The following PDS5B variants were observed in gnomAD, a reference collection of about 807,000 sequenced individuals.
PDS5B encodes sister chromatid cohesion protein PDS5 homolog B.
PDS5B carries 51 observed loss-of-function variants against 184.1 expected under a neutral mutation model. The observed-to-expected ratio is 0.28, with a 90% CI of 0.22 to 0.35. The LOEUF is 0.35. Ranked by LOEUF, PDS5B falls within the 10% of genes least tolerant of loss-of-function variation. The pLI is 1.00. For synonymous variants in PDS5B, 566 were observed against 569.2 expected (o/e 0.99, Z 0.08); for missense variants, 1,180 against 1,723.3 (o/e 0.68, Z 5.58).
chr13:32,694,703 T>C (rs1951652971), intron 14 of PDS5B, among the ~76,000 whole-genome samples: 1 of 151,862 alleles, frequency 6.6e-6, no homozygotes, highest in Non-Finnish European at 1.5e-5. Flanking sequence ...AATTATGTAA[T>C]TAAAGTTAGG....
intron 13 of PDS5B, chr13:32,690,997 C>T (rs755332149): frequency 1.3e-5 from 2 of 151,880 alleles, no homozygotes; most frequent in African/African-American, 2.4e-5. Context: ...CTCCAAAATC[C>T]ATTACCTTTT....
At chr13:32,741,236 G>A (rs917999760) in intron 22 of PDS5B, 88 bp downstream of exon 22, 10 of 735,260 alleles carry the variant, frequency 1.4e-5, no homozygotes, top group Middle Eastern at 2.9e-4. Context: ...CTATTGGAAA[G>A]ATATTAAAGT....
rs570797067 is a variant in PDS5B at position 32,603,493 on chromosome 13, C to T, written c.-20+16900C>T. Among the ~76,000 whole-genome samples, 5 of 152,324 alleles carry T rather than the reference C, an allele frequency of 3.3e-5. No individual in the cohort carries two copies. The East Asian group carries it at 7.7e-4, about 23-fold the overall frequency. Reference sequence around the variant, plus strand: ...TACCAGTACCATGCTGGTTTGGTTACTGTAGCCTTGTAGTATAGTTTGAAG... The same window carrying T: ...TACCAGTACCATGCTGGTTTGGTTATTGTAGCCTTGTAGTATAGTTTGAAG... On this transcript the variant is annotated intron_variant, in intron 1 of 34. Coordinates refer to ENST00000315596, the MANE Select transcript of PDS5B (RefSeq NM_015032.4).
At chr13:32,647,203 G>A (rs143909910) in intron 1 of PDS5B, among the ~76,000 whole-genome samples, 163 of 152,154 alleles carry the variant, frequency 1.1e-3, no homozygotes, top group Non-Finnish European at 2.2e-3. Context: ...TGAATTGTAG[G>A]CTACATTTAG....
At chr13:32,641,057 A>C (rs779547720) in intron 1 of PDS5B, among the ~76,000 whole-genome samples, 107 of 58,546 alleles carry the variant, frequency 1.8e-3, no homozygotes, top group Middle Eastern at 7.5e-3. Flanking sequence ...ACTCCGTCTC[A>C]AAAAAAAAAA....
chr13:32,699,524 A>G (rs1206209836), intron 15 of PDS5B, among the ~76,000 whole-genome samples: 1 of 152,214 alleles, frequency 6.6e-6, no homozygotes, highest in African/African-American at 2.4e-5. Context: ...ATGTCCCTTC[A>G]CAATGCTCCT....
chr13:32,742,758 A>C, intron 23 of PDS5B, 31 bp downstream of exon 23: 1 of 1,589,774 alleles, frequency 6.3e-7, no homozygotes, highest in Non-Finnish European at 8.6e-7. Flanking sequence ...AGTTCTTTGG[A>C]TTGCATAATA....
At chr13:32,591,637 G>A (rs2057777559) in intron 1 of PDS5B, among the ~76,000 whole-genome samples, 1 of 152,062 alleles carries the variant, frequency 6.6e-6, no homozygotes, top group Admixed American at 6.5e-5. Flanking sequence ...TACCAACATT[G>A]GACTTTAAAA....
At chr13:32,742,815 T>G (rs1953606179) in intron 23 of PDS5B, 88 bp downstream of exon 23, 1 of 1,205,812 alleles carries the variant, frequency 8.3e-7, no homozygotes, top group Non-Finnish European at 1.2e-6. Context: ...TCTTTTTCTT[T>G]TTTTTTTAAA....
intron 1 of PDS5B, among the ~76,000 whole-genome samples, chr13:32,646,207 G>C (rs1391801970): frequency 2.0e-5 from 3 of 151,902 alleles, no homozygotes; most frequent in Non-Finnish European, 4.4e-5. Context: ...AGGTCTCACT[G>C]TATTGCCCAG....
intron 1 of PDS5B, among the ~76,000 whole-genome samples, chr13:32,608,455 A>T (rs1435681431): frequency 2.0e-5 from 3 of 152,106 alleles, no homozygotes; most frequent in Non-Finnish European, 1.5e-5. Flanking sequence ...TGTTTAAGAG[A>T]TTTATTACAG....
chr13:32,610,533 T>G (rs898192740), intron 1 of PDS5B, among the ~76,000 whole-genome samples: 3 of 152,230 alleles, frequency 2.0e-5, no homozygotes, highest in Non-Finnish European at 4.4e-5. Flanking sequence ...GATCTTTTCC[T>G]TCTTACACTT....
intron 30 of PDS5B, chr13:32,763,430 T>C (rs1356880790): frequency 6.9e-6 from 1 of 144,952 alleles, no homozygotes; most frequent in Non-Finnish European, 1.5e-5. Flanking sequence ...AAATTTCAGA[T>C]TTTTTTTTTA....
intron 23 of PDS5B, among the ~76,000 whole-genome samples, chr13:32,745,337 TACAG>T (rs1410147702): frequency 6.6e-6 from 1 of 152,180 alleles, no homozygotes; most frequent in African/African-American, 2.4e-5. Context: ...CAACTAAACA[TACAG>T]ACAGATTTCT....
intron 30 of PDS5B, among the ~76,000 whole-genome samples, chr13:32,764,191 C>G (rs1391511871): frequency 2.6e-5 from 4 of 152,146 alleles, no homozygotes; most frequent in Non-Finnish European, 5.9e-5. Context: ...CCAAGCTAAA[C>G]TGCCAACGAG....
intron 1 of PDS5B, among the ~76,000 whole-genome samples, chr13:32,643,043 A>T (rs951541731): frequency 6.6e-6 from 1 of 152,120 alleles, no homozygotes; most frequent in African/African-American, 2.4e-5. Context: ...ATATTTTACA[A>T]GGTCACTCTG....
At chr13:32,592,009 G>A (rs1431482853) in intron 1 of PDS5B, among the ~76,000 whole-genome samples, 1 of 152,174 alleles carries the variant, frequency 6.6e-6, no homozygotes, top group Non-Finnish European at 1.5e-5. Flanking sequence ...TAAACATAAG[G>A]TAGAAGAGAA....
intron 1 of PDS5B, among the ~76,000 whole-genome samples, chr13:32,630,169 A>G (rs2058432486): frequency 6.6e-6 from 1 of 152,238 alleles, no homozygotes; most frequent in African/African-American, 2.4e-5. Context: ...CCATCTCCCC[A>G]GAAGAATGTA....
At chr13:32,739,682 A>G (rs1781230486) in intron 21 of PDS5B, among the ~76,000 whole-genome samples, 1 of 152,142 alleles carries the variant, frequency 6.6e-6, no homozygotes, top group Admixed American at 6.6e-5. Context: ...GAAGTATTCA[A>G]TCTTCTGATT....
Sources: allele counts gnomAD v4.1 joint callset (sites outside exome capture counted in the v4.1 genomes callset), GRCh38; gene constraint gnomAD v4.1.1; transcripts MANE v1.5; gene names NCBI Gene and HGNC (gene_info 2026-07-23, HGNC 2026-07-21).